The following SLC8A1 variants were observed in gnomAD, a reference collection of about 807,000 sequenced individuals.
SLC8A1 encodes solute carrier family 8 member A1.
A neutral mutation model predicts 68.3 loss-of-function variants in SLC8A1; 18 were observed. The ratio of observed to expected loss-of-function variants is 0.26; its 90% CI spans 0.18 to 0.39. The LOEUF (loss-of-function observed/expected upper bound fraction) is 0.39, where lower values mean the gene tolerates loss of function less well. SLC8A1 is among the 10% of genes least tolerant of loss of function. The pLI is 1.00. For missense variants in SLC8A1, 985 were observed against 1,156.7 expected, an observed-to-expected ratio of 0.85 and a Z score of 2.15; for synonymous variants, 475 against 415.5, an observed-to-expected ratio of 1.14 and a Z score of -1.74.
intron 1 of SLC8A1, among the ~76,000 whole-genome samples, chr2:40,467,910 A>C (rs770779315): frequency 1.1e-4 from 16 of 152,174 alleles, no homozygotes; most frequent in Admixed American, 2.6e-4. Flanking sequence ...ACTGCATATA[A>C]ATAAGCCAAA....
intron 2 of SLC8A1, among the ~76,000 whole-genome samples, chr2:40,403,350 A>T (rs1689322191): frequency 6.6e-6 from 1 of 152,228 alleles, no homozygotes; most frequent in Non-Finnish European, 1.5e-5. Flanking sequence ...GCAGGTTATC[A>T]ATGTAAACAA....
intron 2 of SLC8A1, among the ~76,000 whole-genome samples, chr2:40,419,519 CCTGCCTCCACCTCCTTCT>C (rs1445391678): frequency 2.6e-5 from 4 of 151,906 alleles, no homozygotes; most frequent in Non-Finnish European, 5.9e-5. Flanking sequence ...TCTTACTCAC[CCTGCCTCCACCTCCTTCT>C]CTGCCTCCCT....
At chr2:40,387,082 T>C (rs1475763915) in intron 2 of SLC8A1, among the ~76,000 whole-genome samples, 1 of 151,452 alleles carries the variant, frequency 6.6e-6, no homozygotes, top group Non-Finnish European at 1.5e-5. Context: ...GAATGAATGA[T>C]TCATTGGAAA....
chr2:40,140,959 T>G (rs1261917806), intron 6 of SLC8A1, among the ~76,000 whole-genome samples: 1 of 152,244 alleles, frequency 6.6e-6, no homozygotes, highest in African/African-American at 2.4e-5. Flanking sequence ...ATTTCACTTA[T>G]GTGAAAATAA....
chr2:40,411,024 A>C (rs1297309663), intron 2 of SLC8A1, among the ~76,000 whole-genome samples: 2 of 152,068 alleles, frequency 1.3e-5, no homozygotes, highest in Admixed American at 6.6e-5. Flanking sequence ...AAAATAATTA[A>C]GTTTTTTTAG....
At chr2:40,256,781 C>CT (rs2063996034) in intron 2 of SLC8A1, among the ~76,000 whole-genome samples, 1 of 152,148 alleles carries the variant, frequency 6.6e-6, no homozygotes, top group Non-Finnish European at 1.5e-5. Context: ...TGCAGGATGC[C>CT]TGAGGCCAAG....
intron 4 of SLC8A1, among the ~76,000 whole-genome samples, chr2:40,167,761 G>C (rs1013330120): frequency 1.3e-5 from 2 of 152,092 alleles, no homozygotes; most frequent in African/African-American, 4.8e-5. Flanking sequence ...GAGTGAGAAG[G>C]TTTATGAACT....
intron 2 of SLC8A1, among the ~76,000 whole-genome samples, chr2:40,389,947 T>TAC (rs1290883184): frequency 6.6e-6 from 1 of 150,924 alleles, no homozygotes; most frequent in African/African-American, 2.4e-5. Flanking sequence ...CACACACACA[T>TAC]ACACACACAG....
At chr2:40,410,942 A>AT (rs1159154466) in intron 2 of SLC8A1, among the ~76,000 whole-genome samples, 3 of 151,998 alleles carry the variant, frequency 2.0e-5, no homozygotes, top group African/African-American at 7.2e-5. Flanking sequence ...TCAAAATGGG[A>AT]TTTTTTGACC....
At chr2:40,452,386 CT>C (rs1190541944), upstream of SLC8A1, among the ~76,000 whole-genome samples, 1 of 152,104 alleles carries the variant, frequency 6.6e-6, no homozygotes, top group African/African-American at 2.4e-5. Flanking sequence ...CGGCGAGCAG[CT>C]TTTTCGATTT....
intron 1 of SLC8A1, among the ~76,000 whole-genome samples, chr2:40,469,868 T>C (rs1703904981): frequency 1.3e-5 from 2 of 152,196 alleles, no homozygotes; most frequent in South Asian, 4.1e-4. Flanking sequence ...TCAACTTGAT[T>C]CGTTTATTAT....
Position 40,410,197 on chromosome 2 carries a change from T to C in SLC8A1, c.1808+18276A>G, listed in dbSNP as rs565053884. ...GAAATGGGTTGTTCGATTATTATAG[T>C]ACCCCTCCGAGGGCAATGAAAGGAT... is the stretch of plus-strand genomic sequence containing the variant. On this transcript the variant is annotated intron_variant, in intron 2 of 7. Coordinates refer to ENST00000406785, the Ensembl canonical transcript of SLC8A1. Among the ~76,000 whole-genome samples the C allele has an allele frequency of 2.0e-5, 3 of 152,210 alleles. No individual in the cohort carries two copies. The East Asian group carries it at 5.8e-4, about 29-fold the overall frequency.
chr2:40,483,633 T>G (rs1006658189), intron 1 of SLC8A1, among the ~76,000 whole-genome samples: 1 of 152,202 alleles, frequency 6.6e-6, no homozygotes, highest in Non-Finnish European at 1.5e-5. Context: ...TACGGTAAAG[T>G]GAGGCCACAT....
At chr2:40,112,620 C>G (rs1190682648) in exon 8 of SLC8A1, 2 of 149,886 alleles carry the variant, frequency 1.3e-5, no homozygotes, top group African/African-American at 5.0e-5. Flanking sequence ...AATATATTTA[C>G]TTGGTGCTTC....
chr2:40,178,351 A>G, intron 2 of SLC8A1, 36 bp downstream of exon 3: 1 of 1,524,808 alleles, frequency 6.6e-7, no homozygotes, highest in African/African-American at 1.4e-5. Context: ...AGGCCAGCAG[A>G]AGCTGTTGGG....
chr2:40,362,905 T>C (rs958211198), intron 2 of SLC8A1, among the ~76,000 whole-genome samples: 2 of 152,158 alleles, frequency 1.3e-5, no homozygotes, highest in Admixed American at 1.3e-4. Flanking sequence ...CTCAAAGAAA[T>C]TTTTTGTTAT....
chr2:40,275,893 G>C (rs1346054033), intron 2 of SLC8A1, among the ~76,000 whole-genome samples: 1 of 152,130 alleles, frequency 6.6e-6, no homozygotes, highest in African/African-American at 2.4e-5. Context: ...CTTGAGGGCT[G>C]ACTCTCCTGC....
intron 1 of SLC8A1, among the ~76,000 whole-genome samples, chr2:40,472,042 C>T (rs1704018937): frequency 6.6e-6 from 1 of 152,246 alleles, no homozygotes; most frequent in East Asian, 1.9e-4. Context: ...TGACCTATGT[C>T]TGAACCGGGG....
At chr2:40,242,540 G>C (rs554647113) in intron 2 of SLC8A1, among the ~76,000 whole-genome samples, 1 of 152,082 alleles carries the variant, frequency 6.6e-6, no homozygotes, top group African/African-American at 2.4e-5. Flanking sequence ...CCAGCAACTC[G>C]ACTCTCCCTT....
Sources: allele counts gnomAD v4.1 joint callset (sites outside exome capture counted in the v4.1 genomes callset), GRCh38; gene constraint gnomAD v4.1.1; transcripts MANE v1.5; gene names NCBI Gene and HGNC (gene_info 2026-07-23, HGNC 2026-07-21).